AJAP1: variants seen among roughly 807,000 people sequenced by gnomAD.
AJAP1 encodes adherens junction-associated protein 1.
A neutral mutation model predicts 35.0 loss-of-function variants in AJAP1; 5 were observed. The ratio of observed to expected loss-of-function variants is 0.14; its 90% CI spans 0.07 to 0.30. The LOEUF is 0.30. Among genes scored for constraint, AJAP1 ranks in the 10% least tolerant of loss-of-function variants. The pLI, the probability that AJAP1 is intolerant of heterozygous loss-of-function variation, is 1.00. For missense variants in AJAP1, 586 were observed against 571.0 expected (o/e 1.03, Z -0.27); for synonymous variants, 284 against 249.3 (o/e 1.14, Z -1.31).
At chr1:4,729,085 C>T (rs1255136159) in intron 2 of AJAP1, among the ~76,000 whole-genome samples, 2 of 152,170 alleles carry the variant, frequency 1.3e-5, no homozygotes, top group African/African-American at 4.8e-5. Context: ...GAAAAAAAAT[C>T]ATTGAAATGA....
chr1:4,678,278 G>T (rs756856310), intron 1 of AJAP1, among the ~76,000 whole-genome samples: 3 of 152,216 alleles, frequency 2.0e-5, no homozygotes, highest in African/African-American at 7.2e-5. Context: ...AGTGAATCTG[G>T]TCTAGGAGTG....
At chr1:4,755,278 C>T (rs905754430) in intron 2 of AJAP1, among the ~76,000 whole-genome samples, 1 of 152,226 alleles carries the variant, frequency 6.6e-6, no homozygotes, top group Admixed American at 6.5e-5. Flanking sequence ...AGGAAGCACT[C>T]AGAACCCCTG....
At chr1:4,755,084 T>C (rs1641398853) in intron 2 of AJAP1, among the ~76,000 whole-genome samples, 1 of 152,142 alleles carries the variant, frequency 6.6e-6, no homozygotes, top group Admixed American at 6.5e-5. Context: ...GAGCCGTGGT[T>C]GGGTGGCACT....
intron 2 of AJAP1, among the ~76,000 whole-genome samples, chr1:4,761,669 C>T (rs937998869): frequency 5.3e-5 from 8 of 152,118 alleles, no homozygotes; most frequent in Non-Finnish European, 1.0e-4. Flanking sequence ...AGATGAGGTC[C>T]CACAATTCCC....
chr1:4,733,421 A>G (rs1253602599), intron 2 of AJAP1, among the ~76,000 whole-genome samples: 7 of 129,350 alleles, frequency 5.4e-5, no homozygotes. Context: ...CACCTGTTCA[A>G]CCATTCATTC....
rs1642254867 is a variant in AJAP1 at position 4,791,955 on chromosome 1, A to G, written c.*9470A>G. 1 of 152,206 alleles carries G rather than the reference A, an allele frequency of 6.6e-6. No individual in the cohort carries two copies. The highest frequency in any genetic ancestry group is 6.5e-5 in the Admixed American group (1 of 15,288). 9.4% of individuals were successfully genotyped at this position (152,206 alleles called of 1,614,324 possible). A position where few individuals can be genotyped will look rare whatever the true frequency, so the allele number is the denominator to read the frequency against. Reference sequence around the variant, plus strand: ...CTGAAGCTGAACCACAGGACAAGAAATTAAACAGCAACGGCCACATGGCCT... The same window carrying G: ...CTGAAGCTGAACCACAGGACAAGAAGTTAAACAGCAACGGCCACATGGCCT... On this transcript the variant is annotated 3_prime_UTR_variant, in exon 6 of 6. Transcript: ENST00000378191.
chr1:4,682,502 C>G (rs1351703663), intron 1 of AJAP1, among the ~76,000 whole-genome samples: 1 of 152,182 alleles, frequency 6.6e-6, no homozygotes, highest in Non-Finnish European at 1.5e-5. Flanking sequence ...TTTTCATGTC[C>G]CCATCTGTGC....
rs1169354457 is a variant in AJAP1 at position 4,787,420 on chromosome 1, C to T, written c.*4935C>T. 1 of 296,420 alleles carries T rather than the reference C, an allele frequency of 3.4e-6. No individual in the cohort carries two copies. The highest frequency in any genetic ancestry group is 2.3e-5 in the African/African-American group (1 of 44,226). The allele number at this position is 296,420 out of a possible 1,614,324, so 18.4% of individuals were successfully genotyped here. ...CGTCTCCTCCTCCTGCGACCCATCACCTACTGGAAAATTACCACTTGCTGC... is the reference window on the plus strand; with the variant it reads ...CGTCTCCTCCTCCTGCGACCCATCATCTACTGGAAAATTACCACTTGCTGC... On this transcript the variant is annotated 3_prime_UTR_variant, in exon 6 of 6. Coordinates refer to ENST00000378191, the MANE Select transcript of AJAP1 (RefSeq NM_018836.4).
intron 5 of AJAP1, among the ~76,000 whole-genome samples, chr1:4,781,174 T>A (rs1183662565): frequency 6.6e-6 from 1 of 152,196 alleles, no homozygotes; most frequent in Non-Finnish European, 1.5e-5. Flanking sequence ...TGTCCACTCC[T>A]GGGATGTGTC....
At chr1:4,776,567 A>G (rs1641944491) in intron 5 of AJAP1, among the ~76,000 whole-genome samples, 1 of 152,190 alleles carries the variant, frequency 6.6e-6, no homozygotes, top group African/African-American at 2.4e-5. Flanking sequence ...AAGATAAAAT[A>G]GGGCAAAAAA....
At chr1:4,715,845 C>G (rs1054379460) in intron 2 of AJAP1, among the ~76,000 whole-genome samples, 1 of 152,214 alleles carries the variant, frequency 6.6e-6, no homozygotes, top group African/African-American at 2.4e-5. Flanking sequence ...TTGCCAGTGT[C>G]AGAGGCAGAG....
At chr1:4,767,831 G>A (rs1022387598) in intron 2 of AJAP1, among the ~76,000 whole-genome samples, 1 of 152,190 alleles carries the variant, frequency 6.6e-6, no homozygotes, top group African/African-American at 2.4e-5. Context: ...CTCTTGACTG[G>A]GCCAGAGGGA....
intron 2 of AJAP1, among the ~76,000 whole-genome samples, chr1:4,732,410 C>T (rs1344843790): frequency 6.6e-6 from 1 of 152,262 alleles, no homozygotes; most frequent in African/African-American, 2.4e-5. Flanking sequence ...TTGTATGTGG[C>T]TGCTGGAGAG....
chr1:4,779,727 C>A (rs1054230873), intron 5 of AJAP1, among the ~76,000 whole-genome samples: 1 of 152,054 alleles, frequency 6.6e-6, no homozygotes. Context: ...AGCTTACAAC[C>A]GGTGACAGTC....
intron 1 of AJAP1, among the ~76,000 whole-genome samples, chr1:4,667,126 G>A (rs982649116): frequency 6.6e-6 from 1 of 152,096 alleles, no homozygotes; most frequent in Admixed American, 6.5e-5. Flanking sequence ...CTGGGGCTGT[G>A]GTCTTAGGGA....
Position 4,693,144 on chromosome 1 carries a change from G to A in AJAP1, c.30-18756G>A, listed in dbSNP as rs1298402804. ...GCTGGATTTTCTCCCAGTTTATGGG[G>A]AGAAACCGAGGAAACCTTGGAGAAG... On this transcript the variant is annotated intron_variant, in intron 1 of 5. Coordinates refer to ENST00000378191, the MANE Select transcript of AJAP1 (RefSeq NM_018836.4). The surrounding 1 kb of genome is among the most constrained non-coding windows in gnomAD (Gnocchi z 4.4). 6.6e-6 allele frequency among the ~76,000 whole-genome samples: 1 copy of A among 152,086 alleles called. No individual in the cohort carries two copies. Among genetic ancestry groups the A allele is most frequent in the African/African-American group, 2.4e-5 (1 of 41,416 alleles).
Position 4,772,415 on chromosome 1 carries a change from C to T in AJAP1, c.1053C>T (p.Asn351=), listed in dbSNP as rs770867069. ...GCCTGGACATATTCACGGCCTATAACGAGACCCTGCAGTGTTCTCACGAGT... is the reference window on the plus strand; with the variant it reads ...GCCTGGACATATTCACGGCCTATAATGAGACCCTGCAGTGTTCTCACGAGT... ...PSSLDIFTAY[N]ETLQCSHECV... The change falls in exon 4 of 6, where the codon AAC becomes AAT. Residue 351 remains asparagine (N), a synonymous_variant. Transcript: ENST00000378191. 16 of 1,614,218 alleles carry T rather than the reference C, an allele frequency of 9.9e-6. No homozygotes were observed. Among genetic ancestry groups the T allele is most frequent in the Admixed American group, 6.7e-5 (4 of 60,022 alleles).
At chr1:4,733,586 G>A (rs187501634) in intron 2 of AJAP1, among the ~76,000 whole-genome samples, 1 of 151,532 alleles carries the variant, frequency 6.6e-6, no homozygotes, top group East Asian at 1.9e-4. Flanking sequence ...CCGTCTTCCT[G>A]TCCTCAGAGG....
chr1:4,748,710 T>C (rs918936583), intron 2 of AJAP1, among the ~76,000 whole-genome samples: 94 of 138,220 alleles, frequency 6.8e-4, no homozygotes, highest in African/African-American at 2.5e-3. Context: ...ATTGTGCCAC[T>C]GCACCCCAGC....
Sources: gnomAD v4.1 joint callset for allele counts (sites outside exome capture counted in the v4.1 genomes callset) on GRCh38, gnomAD v4.1.1 for gene constraint, Gnocchi (gnomAD v3.1) non-coding constraint, MANE v1.5 for transcripts, NCBI Gene and HGNC (gene_info 2026-07-23, HGNC 2026-07-21) for gene names.